Variants in STARD3 observed in about 807,000 individuals in gnomAD.
The protein encoded by STARD3 is StAR related lipid transfer domain containing 3.
A neutral mutation model predicts 62.0 loss-of-function variants in STARD3; 39 were observed. That is an observed-to-expected ratio of 0.63 (90% CI 0.49 to 0.82). The LOEUF is 0.82. STARD3 is among the 40% of genes least tolerant of loss of function. The pLI is 0.00. For synonymous variants in STARD3, 229 were observed against 242.4 expected (o/e 0.94, Z 0.51); for missense variants, 543 against 584.5 (o/e 0.93, Z 0.73).
chr17:39,657,398 G>A (rs1247072837), intron 3 of STARD3, among the ~76,000 whole-genome samples: 1 of 151,964 alleles, frequency 6.6e-6, no homozygotes, highest in East Asian at 1.9e-4. Flanking sequence ...ATGGTGGTTC[G>A]CACCCATAAT....
At chr17:39,654,764 G>C (rs1433222444) in intron 2 of STARD3, among the ~76,000 whole-genome samples, 1 of 152,240 alleles carries the variant, frequency 6.6e-6, no homozygotes, top group Admixed American at 6.5e-5. Flanking sequence ...CTTCCGGATG[G>C]CAAGGGCCCT....
chr17:39,651,044 T>C (rs551310156), intron 1 of STARD3, among the ~76,000 whole-genome samples: 1 of 152,332 alleles, frequency 6.6e-6, no homozygotes, highest in East Asian at 1.9e-4. Flanking sequence ...GGGATCCCAT[T>C]GCCAGCGGCC....
chr17:39,653,106 CA>C (rs990787044), intron 1 of STARD3: 2 of 200,720 alleles, frequency 1.0e-5, no homozygotes, highest in East Asian at 1.3e-4. Flanking sequence ...GGGGTGGTGG[CA>C]GGCCCAGAGG....
chr17:39,638,862 C>T (rs1181777591), intron 1 of STARD3, among the ~76,000 whole-genome samples: 2 of 152,186 alleles, frequency 1.3e-5, no homozygotes, highest in African/African-American at 4.8e-5. Flanking sequence ...AGTGAGTTGC[C>T]TGGGTGCAGT....
At chr17:39,639,733 C>G (rs1322528129) in intron 1 of STARD3, among the ~76,000 whole-genome samples, 1 of 152,214 alleles carries the variant, frequency 6.6e-6, no homozygotes, top group Non-Finnish European at 1.5e-5. Flanking sequence ...AGGCCTAGTA[C>G]CTGGTGTTTG....
chr17:39,659,142 A>G (rs2057166141), intron 8 of STARD3, 36 bp downstream of exon 8: 1 of 1,613,432 alleles, frequency 6.2e-7, no homozygotes, highest in Non-Finnish European at 8.5e-7. Flanking sequence ...CTGCCCTTGG[A>G]ATGGGTGCCT....
At chr17:39,637,593 C>T (rs556647582) in intron 1 of STARD3, 14 of 152,390 alleles carry the variant, frequency 9.2e-5, no homozygotes, top group African/African-American at 3.1e-4. Flanking sequence ...AACATCTACG[C>T]ATTCCGGTAG....
At position 39,663,014 on chromosome 17, in the gene STARD3, G is replaced by A. The variant is rs751971450; in HGVS notation, c.*106G>A. 79 of 1,142,868 alleles carry A rather than the reference G, an allele frequency of 6.9e-5. No individual in the cohort carries two copies. Among genetic ancestry groups the A allele is most frequent in the Non-Finnish European group, 8.5e-6 (7 of 819,094 alleles). The allele number at this position is 1,142,868 out of a possible 1,614,324, so 70.8% of individuals were successfully genotyped here. ...CTGCCCACATGGGACCTGGCCCCAG[G>A]CTGTCACCCTCCACCGAGCCACGCA... On this transcript the variant is annotated 3_prime_UTR_variant, in exon 15 of 15. Transcript: ENST00000336308.
At chr17:39,656,888 G>A in intron 2 of STARD3, 120 bp from the exon 3 acceptor site, 1 of 931,558 alleles carries the variant, frequency 1.1e-6, no homozygotes, top group Non-Finnish European at 1.7e-6. Context: ...TGGTGGCTTA[G>A]CATCAACAGC....
intron 1 of STARD3, among the ~76,000 whole-genome samples, chr17:39,642,769 A>T (rs930034642): frequency 6.6e-6 from 1 of 152,104 alleles, no homozygotes; most frequent in Non-Finnish European, 1.5e-5. Flanking sequence ...GGTCTCTACA[A>T]AGGGACATTT....
chr17:39,657,024 G>T lies in STARD3; in HGVS notation c.236G>T (p.Arg79Leu), dbSNP rs758745055. ...CTCTCACAGACCAACACAGGCATCC[G>T]TAAGAACTTGGAGCAGGAGATCATC... is the stretch of plus-strand genomic sequence containing the variant. ...IIELNTNTGI[R>L]KNLEQEIIQY... The change falls in exon 3 of 15, where the codon CGT becomes CTT. Residue 79 changes from arginine (R) to leucine (L), a missense_variant. Arg to Leu is a moderately radical substitution (Grantham distance 102). Coordinates refer to ENST00000336308, the MANE Select transcript of STARD3 (RefSeq NM_006804.4). The T allele has an allele frequency of 1.9e-6, 3 of 1,613,972 alleles. No individual in the cohort carries two copies. Among genetic ancestry groups the T allele is most frequent in the South Asian group, 1.1e-5 (1 of 91,086 alleles).
chr17:39,657,048 TC>T lies in STARD3; in HGVS notation c.262del (p.Gln88SerfsTer24). The T allele has an allele frequency of 6.2e-7, 1 of 1,614,204 alleles. No homozygotes were observed. The highest frequency in any genetic ancestry group is 8.5e-7 in the Non-Finnish European group (1 of 1,180,034). ...CGTAAGAACTTGGAGCAGGAGATCA[TC>T]CAGTACAACTTTAAAACTTCCTTCT... ...GIRKNLEQEI[I>X]QYNFKTSFFD... On this transcript the variant is annotated frameshift_variant, in exon 3 of 15. Transcript: ENST00000336308. LOFTEE classifies it high-confidence loss of function.
At chr17:39,659,687 C>T (rs2057173456) in intron 9 of STARD3, 134 bp downstream of exon 9, 2 of 961,918 alleles carry the variant, frequency 2.1e-6, no homozygotes, top group Admixed American at 2.5e-5. Context: ...GGAGCTGGGC[C>T]CTCGGGTCGG....
chr17:39,661,529 C>G (rs2057198160), intron 13 of STARD3, among the ~76,000 whole-genome samples: 1 of 152,176 alleles, frequency 6.6e-6, no homozygotes, highest in Non-Finnish European at 1.5e-5. Context: ...CTCAGGAGTT[C>G]CCCCAAAGAT....
rs1426070162 is a variant in STARD3, at chr17:39,663,328, A to G, written c.*420A>G. ...CGTCGGTTTTTTTAGGATTATTGAA[A>G]GAGTCTGGGACCCTTGTTGGGGAGT... On this transcript the variant is annotated 3_prime_UTR_variant, in exon 15 of 15. Coordinates refer to ENST00000336308, the MANE Select transcript of STARD3 (RefSeq NM_006804.4). 2.3e-5 allele frequency: 8 copies of G among 349,002 alleles called. No individual in the cohort carries two copies. In the East Asian group the frequency reaches 2.9e-4, roughly 13 times the overall value. The allele number at this position is 349,002 out of a possible 1,614,324, so 21.6% of individuals were successfully genotyped here.
rs774470364 is a variant in STARD3, at chr17:39,653,726, C to T, written c.195C>T (p.Ser65=). Reference sequence around the variant, plus strand: ...TCACCTTCGACCTGCTCTTCATCTCCCTGCTCTGGATCATCGAACTGAATG... The same window carrying T: ...TCACCTTCGACCTGCTCTTCATCTCTCTGCTCTGGATCATCGAACTGAATG... ...LFVTFDLLFI[S]LLWIIELNTN... The change falls in exon 2 of 15, where the codon TCC becomes TCT. Residue 65 remains serine, a synonymous_variant. Coordinates refer to ENST00000336308, the MANE Select transcript of STARD3 (RefSeq NM_006804.4). 1 of 1,614,046 alleles carries T rather than the reference C, an allele frequency of 6.2e-7. No homozygotes were observed. The highest frequency in any genetic ancestry group is 1.7e-5 in the Admixed American group (1 of 60,008).
chr17:39,644,342 C>G (rs184728098), intron 1 of STARD3, among the ~76,000 whole-genome samples: 126 of 152,202 alleles, frequency 8.3e-4, no homozygotes, highest in Non-Finnish European at 7.5e-4. Flanking sequence ...CCAGGAGACT[C>G]GAAGTGGTGG....
chr17:39,654,734 A>G (rs1241194087), intron 2 of STARD3, among the ~76,000 whole-genome samples: 2 of 152,270 alleles, frequency 1.3e-5, no homozygotes, highest in Admixed American at 6.5e-5. Flanking sequence ...TTCCTTCTGC[A>G]GCATGGGCTC....
In STARD3 at chr17:39,656,677, G is replaced by C. The variant is rs148470940; in HGVS notation, c.220-331G>C. On this transcript the variant is annotated intron_variant, in intron 2 of 14. Transcript: ENST00000336308. ...GGGATTCTGTCAGAGGTGGGCTTTC[G>C]GCGCCCTTCTGCTGGCCCTGTATAG... Among the ~76,000 whole-genome samples, 4 of 152,130 alleles carry C rather than the reference G, an allele frequency of 2.6e-5. No homozygotes were observed. The East Asian group carries it at 7.7e-4, about 29-fold the overall frequency.
Sources: gnomAD v4.1 joint callset for allele counts (sites outside exome capture counted in the v4.1 genomes callset) on GRCh38, gnomAD v4.1.1 for gene constraint, MANE v1.5 for transcripts, NCBI Gene and HGNC (gene_info 2026-07-23, HGNC 2026-07-21) for gene names.